Variants in CCBE1 observed in about 807,000 individuals in gnomAD.
CCBE1 encodes collagen and calcium-binding EGF domain-containing protein 1.
Under a neutral mutation model 50.0 loss-of-function variants are expected in CCBE1, and 37 were observed. The ratio of observed to expected loss-of-function variants is 0.74; its 90% CI spans 0.57 to 0.97. The LOEUF (loss-of-function observed/expected upper bound fraction) is 0.97. Among genes scored for constraint, CCBE1 ranks in the 50% least tolerant of loss-of-function variants. CCBE1 has a pLI of 0.00. For synonymous variants in CCBE1, 234 were observed against 203.7 expected (o/e 1.15, Z -1.27); for missense variants, 538 against 523.8 (o/e 1.03, Z -0.26).
intron 2 of CCBE1, among the ~76,000 whole-genome samples, chr18:59,500,639 G>A (rs551241162): frequency 6.6e-6 from 1 of 152,302 alleles, no homozygotes; most frequent in East Asian, 1.9e-4. Context: ...AAATCCAGCA[G>A]GGAGGGGCCT....
At chr18:59,651,277 T>C (rs2054124607) in intron 2 of CCBE1, among the ~76,000 whole-genome samples, 1 of 152,204 alleles carries the variant, frequency 6.6e-6, no homozygotes, top group Non-Finnish European at 1.5e-5. Context: ...ACATGAGTTG[T>C]TGCAGGCACT....
intron 5 of CCBE1, among the ~76,000 whole-genome samples, chr18:59,461,750 T>TTTTTTA (rs1911490145): frequency 1.4e-5 from 2 of 147,922 alleles, no homozygotes; most frequent in African/African-American, 4.9e-5. Context: ...TTTTTTTTTT[T>TTTTTTA]GAGACAGAGT....
At chr18:59,659,320 A>G (rs960215169) in intron 2 of CCBE1, among the ~76,000 whole-genome samples, 4 of 151,730 alleles carry the variant, frequency 2.6e-5, no homozygotes, top group African/African-American at 9.7e-5. Context: ...AACAGCAACC[A>G]ACTTTAAATG....
chr18:59,439,918 C>T (rs1910343546), intron 7 of CCBE1, 102 bp from the exon 8 acceptor site: 1 of 1,290,804 alleles, frequency 7.7e-7, no homozygotes. Context: ...TCTTTGTACT[C>T]TCTCTGCCTT....
rs749999713 is a variant in CCBE1, at chr18:59,439,733, G to T, written c.859C>A (p.Pro287Thr). 1.2e-6 allele frequency: 2 copies of T among 1,614,114 alleles called. No individual in the cohort carries two copies. The highest frequency in any genetic ancestry group is 1.7e-6 in the Non-Finnish European group (2 of 1,180,042). The change falls in exon 8 of 11, where the codon CCC (proline) becomes ACC (threonine). Residue 287 changes from proline (P) to threonine (T), a missense_variant. Physicochemically the swap from Pro to Thr is conservative, Grantham distance 38. Coordinates refer to ENST00000439986, the MANE Select transcript of CCBE1 (RefSeq NM_133459.4). Reference protein sequence around the residue: ...GQPGPRGSMGPMGPSPDLSHI... With the variant: ...GQPGPRGSMGTMGPSPDLSHI... ...GACAGATCAGGAGATGGTCCCATGG[G>T]TCCCATTGAGCCCCGTGGGCCGGGC... is the stretch of plus-strand genomic sequence containing the variant.
At chr18:59,535,445 G>T (rs962220242) in intron 2 of CCBE1, among the ~76,000 whole-genome samples, 3 of 152,202 alleles carry the variant, frequency 2.0e-5, no homozygotes, top group African/African-American at 7.2e-5. Context: ...ATACTCTGCT[G>T]TTGCAAGTGA....
intron 2 of CCBE1, among the ~76,000 whole-genome samples, chr18:59,654,247 A>G (rs1351273521): frequency 6.6e-6 from 1 of 152,210 alleles, no homozygotes; most frequent in African/African-American, 2.4e-5. Flanking sequence ...TAAAAAAGGA[A>G]GAAAGCCTTC....
intron 2 of CCBE1, among the ~76,000 whole-genome samples, chr18:59,576,979 C>A (rs894100550): frequency 6.6e-6 from 1 of 152,186 alleles, no homozygotes. Context: ...CCTATAAATG[C>A]TCAGGACCAA....
intron 2 of CCBE1, among the ~76,000 whole-genome samples, chr18:59,568,012 T>C (rs1026719507): frequency 6.6e-6 from 1 of 152,202 alleles, no homozygotes; most frequent in Non-Finnish European, 1.5e-5. Context: ...CTATTCTTTT[T>C]CTATTTTTTT....
rs142986741 is a variant in CCBE1 at position 59,599,381 on chromosome 18, C to T, written c.212+97248G>A. Among the ~76,000 whole-genome samples, 1,105 of 152,224 alleles carry T rather than the reference C, an allele frequency of 7.3e-3. 14 individuals are homozygous for T. Among genetic ancestry groups the T allele is most frequent in the African/African-American group, 0.025 (1,046 of 41,532 alleles). On this transcript the variant is annotated intron_variant, in intron 2 of 10. Transcript: ENST00000439986. ...TTGAGAAAACATGCAGTTTGGAATC[C>T]ATCAGGCATCTAGAATTAATGTAAT...
At chr18:59,686,884 A>G (rs1424921792) in intron 2 of CCBE1, among the ~76,000 whole-genome samples, 1 of 152,204 alleles carries the variant, frequency 6.6e-6, no homozygotes, top group Non-Finnish European at 1.5e-5. Context: ...GCCTGTTGAT[A>G]TTACATTGTA....
intron 2 of CCBE1, among the ~76,000 whole-genome samples, chr18:59,481,496 C>A (rs922033290): frequency 6.6e-6 from 1 of 152,192 alleles, no homozygotes; most frequent in South Asian, 2.1e-4. Context: ...AAACGCCTAA[C>A]TACACACATA....
intron 2 of CCBE1, among the ~76,000 whole-genome samples, chr18:59,689,740 A>G (rs1311805655): frequency 1.3e-5 from 2 of 151,898 alleles, no homozygotes; most frequent in African/African-American, 4.8e-5. Context: ...TAGTGGGGCA[A>G]CTCTGATGCT....
chr18:59,630,791 C>G (rs2053839820), intron 2 of CCBE1, among the ~76,000 whole-genome samples: 1 of 152,164 alleles, frequency 6.6e-6, no homozygotes, highest in Non-Finnish European at 1.5e-5. Context: ...ATTACCTACA[C>G]AATGTATCTT....
At chr18:59,451,110 C>T (rs1409687898) in intron 6 of CCBE1, among the ~76,000 whole-genome samples, 2 of 152,170 alleles carry the variant, frequency 1.3e-5, no homozygotes, top group Non-Finnish European at 2.9e-5. Context: ...AAGTTTATTT[C>T]AGGCAGAATC....
intron 2 of CCBE1, among the ~76,000 whole-genome samples, chr18:59,568,928 C>T (rs1483009705): frequency 6.6e-6 from 1 of 152,214 alleles, no homozygotes; most frequent in East Asian, 1.9e-4. Flanking sequence ...AACTAAACCT[C>T]CCACCTGCCA....
chr18:59,537,859 A>T (rs989930221), intron 2 of CCBE1, among the ~76,000 whole-genome samples: 2 of 152,226 alleles, frequency 1.3e-5, no homozygotes, highest in Non-Finnish European at 2.9e-5. Context: ...CCCTTGAGCA[A>T]GTCACTTAAC....
At chr18:59,533,647 C>T (rs536588494) in intron 2 of CCBE1, among the ~76,000 whole-genome samples, 53 of 152,210 alleles carry the variant, frequency 3.5e-4, no homozygotes, top group African/African-American at 1.3e-3. Context: ...TTATAACAAA[C>T]GTTTATCAAG....
intron 2 of CCBE1, among the ~76,000 whole-genome samples, chr18:59,624,035 G>A (rs556183103): frequency 2.6e-5 from 4 of 152,248 alleles, no homozygotes; most frequent in African/African-American, 4.8e-5. Flanking sequence ...ACTTAGTAGC[G>A]GAATTACCTT....
Sources: gnomAD v4.1 joint callset for allele counts (sites outside exome capture counted in the v4.1 genomes callset) on GRCh38, gnomAD v4.1.1 for gene constraint, MANE v1.5 for transcripts, NCBI Gene and HGNC (gene_info 2026-07-23, HGNC 2026-07-21) for gene names.